JAKMIP1: variants seen among roughly 807,000 people sequenced by gnomAD.
JAKMIP1 encodes the protein janus kinase and microtubule interacting protein 1.
In JAKMIP1, 33 loss-of-function variants were observed where a neutral mutation model predicts 113.0. The ratio of observed to expected loss-of-function variants is 0.29; its 90% CI spans 0.22 to 0.39. JAKMIP1 has a LOEUF of 0.39. Ranked by LOEUF, JAKMIP1 falls within the 10% of genes least tolerant of loss-of-function variation. The probability of loss-of-function intolerance (pLI) is 1.00; values close to 1 mark genes in which losing one functional copy is unlikely to be tolerated. For synonymous variants in JAKMIP1, 480 were observed against 459.9 expected (o/e 1.04, Z -0.56); for missense variants, 813 against 1,080.5 (o/e 0.75, Z 3.47).
chr4:6,110,891 C>T (rs893678437), intron 2 of JAKMIP1, among the ~76,000 whole-genome samples: 5 of 151,884 alleles, frequency 3.3e-5, no homozygotes, highest in Non-Finnish European at 7.4e-5. Flanking sequence ...CTTACACCCC[C>T]AGCCAGTCAG....
chr4:6,134,787 A>G (rs1466380795), intron 1 of JAKMIP1, among the ~76,000 whole-genome samples: 1 of 152,180 alleles, frequency 6.6e-6, no homozygotes, highest in African/African-American at 2.4e-5. Flanking sequence ...CACACATGCA[A>G]ATACTGCACC....
intron 1 of JAKMIP1, among the ~76,000 whole-genome samples, chr4:6,128,624 G>A (rs540804649): frequency 6.0e-4 from 92 of 152,224 alleles, no homozygotes; most frequent in African/African-American, 2.0e-3. Context: ...GAGCAAACAC[G>A]GGAGCCACGT....
rs574317539 is a variant in JAKMIP1, at chr4:6,089,305, G to GT, written c.625-3677dup. 2.0e-3 allele frequency among the ~76,000 whole-genome samples: 302 copies of GT among 152,330 alleles called. 1 individual carries two copies. Among genetic ancestry groups the GT allele is most frequent in the Non-Finnish European group, 3.2e-3 (217 of 68,024 alleles). On this transcript the variant is annotated intron_variant, in intron 3 of 20. Coordinates refer to ENST00000409021, the MANE Select transcript of JAKMIP1 (RefSeq NM_001099433.2). The surrounding 1 kb of genome is among the most constrained non-coding windows in gnomAD (Gnocchi z 5.3). Reference sequence around the variant, plus strand: ...CAACAGACACCCATGGCCTAAGCTGGTTTGATGGAATTTCTGTCACTTGCG... The same window carrying GT: ...CAACAGACACCCATGGCCTAAGCTGGTTTTGATGGAATTTCTGTCACTTGCG...
At position 6,155,843 on chromosome 4, in the gene JAKMIP1, T is replaced by C. The variant is rs4383685; in HGVS notation, c.-147-42846A>G. 0.19 allele frequency among the ~76,000 whole-genome samples: 28,564 copies of C among 152,122 alleles called. 5,338 individuals carry two copies. Among genetic ancestry groups the C allele is most frequent in the African/African-American group, 0.48 (19,875 of 41,418 alleles). ...GCTAACATGCAGCCTTCCTGGGTCC[T>C]GCCCTAGACCTCATGAATGGCACTC... On this transcript the variant is annotated intron_variant, in intron 1 of 20. Coordinates refer to ENST00000409021, the MANE Select transcript of JAKMIP1 (RefSeq NM_001099433.2). The surrounding 1 kb of genome is among the most constrained non-coding windows in gnomAD (Gnocchi z 6.1).
rs999890202 is a variant in JAKMIP1 at position 6,081,958 on chromosome 4, G to A, written c.955-203C>T. 6.6e-6 allele frequency among the ~76,000 whole-genome samples: 1 copy of A among 152,188 alleles called. No homozygotes were observed. Among genetic ancestry groups the A allele is most frequent in the Non-Finnish European group, 1.5e-5 (1 of 68,034 alleles). ...CATCTATCAAATGAGAATCACGGCA[G>A]CTCCTGTCTCCTAGGCACATGGTGA... On this transcript the variant is annotated intron_variant, in intron 5 of 20. Transcript: ENST00000409021. This position sits in a 1 kb window ranked among gnomAD's most constrained non-coding sequence, Gnocchi z 4.6.
At chr4:6,124,754 C>G (rs914472148) in intron 1 of JAKMIP1, among the ~76,000 whole-genome samples, 1 of 152,262 alleles carries the variant, frequency 6.6e-6, no homozygotes, top group South Asian at 2.1e-4. Context: ...GTGCCCTTCT[C>G]TAGCTCACAG....
At chr4:6,148,191 C>T (rs775942096) in intron 1 of JAKMIP1, among the ~76,000 whole-genome samples, 25 of 152,148 alleles carry the variant, frequency 1.6e-4, no homozygotes, top group African/African-American at 5.6e-4. Flanking sequence ...CTCTCGTGTA[C>T]CCCCAAGTTG....
chr4:6,114,991 T>C (rs796681792), intron 1 of JAKMIP1, among the ~76,000 whole-genome samples: 8 of 152,352 alleles, frequency 5.3e-5, no homozygotes, highest in African/African-American at 1.9e-4. Context: ...TAGAAACACT[T>C]GGATGTTCAT....
chr4:6,058,696 C>T (rs960398945), intron 11 of JAKMIP1, among the ~76,000 whole-genome samples: 12 of 152,332 alleles, frequency 7.9e-5, no homozygotes, highest in South Asian at 2.1e-4. Flanking sequence ...AATGTGCTCT[C>T]GTGGCAGGAC....
At chr4:6,062,231 G>C (rs1374350265) in intron 10 of JAKMIP1, 81 bp downstream of exon 10, 1 of 1,480,194 alleles carries the variant, frequency 6.8e-7, no homozygotes. Context: ...GTCCAAGCCA[G>C]GGTATGTCAC....
intron 8 of JAKMIP1, among the ~76,000 whole-genome samples, chr4:6,066,167 A>C (rs1335802583): frequency 6.6e-6 from 1 of 152,186 alleles, no homozygotes; most frequent in Non-Finnish European, 1.5e-5. Context: ...CCCACAGAGA[A>C]AACCCAGGCA....
chr4:6,057,251 A>G (rs1716602783), intron 11 of JAKMIP1, among the ~76,000 whole-genome samples: 1 of 152,232 alleles, frequency 6.6e-6, no homozygotes, highest in African/African-American at 2.4e-5. Flanking sequence ...TGAGCCTGGC[A>G]CAGTGCCTGT....
chr4:6,131,987 G>A (rs1035524101), intron 1 of JAKMIP1, among the ~76,000 whole-genome samples: 71 of 152,110 alleles, frequency 4.7e-4, no homozygotes, highest in African/African-American at 1.6e-3. Context: ...AAATGACAAA[G>A]GTCAGAAACT....
At position 6,163,774 on chromosome 4, in the gene JAKMIP1, T is replaced by G. The variant is rs184412890; in HGVS notation, c.-148+36479A>C. 1.7e-3 allele frequency among the ~76,000 whole-genome samples: 259 copies of G among 152,190 alleles called. 3 individuals are homozygous for G. Among genetic ancestry groups the G allele is most frequent in the African/African-American group, 5.9e-3 (244 of 41,522 alleles). ...GGTGAACACACAAATAATAAGAAAGTGAAATAGCCCTATTGCTGATATGGA... is the reference window on the plus strand; with the variant it reads ...GGTGAACACACAAATAATAAGAAAGGGAAATAGCCCTATTGCTGATATGGA... On this transcript the variant is annotated intron_variant, in intron 1 of 20. Transcript: ENST00000409021.
Position 6,067,748 on chromosome 4 carries a change from A to G in JAKMIP1, c.1303-2740T>C, listed in dbSNP as rs997696026. Among the ~76,000 whole-genome samples the G allele has an allele frequency of 2.1e-5, 3 of 141,218 alleles. No individual in the cohort carries two copies. Among genetic ancestry groups the G allele is most frequent in the African/African-American group, 5.5e-5 (2 of 36,620 alleles). The allele number at this position is 141,218 out of a possible 152,430, so 92.6% of individuals were successfully genotyped here. On this transcript the variant is annotated intron_variant, in intron 8 of 20. Coordinates refer to ENST00000409021, the MANE Select transcript of JAKMIP1 (RefSeq NM_001099433.2). The surrounding 1 kb of genome is among the most constrained non-coding windows in gnomAD (Gnocchi z 4.6). The stretch of plus-strand genomic sequence containing the variant: ...CACGTTCACTCAAGCTCTTCTGCAC[A>G]CGCAGGTCACCCCCCTGAGCTCCAC...
intron 11 of JAKMIP1, among the ~76,000 whole-genome samples, chr4:6,057,066 A>G (rs1234102726): frequency 6.6e-6 from 1 of 152,186 alleles, no homozygotes; most frequent in African/African-American, 2.4e-5. Context: ...CCCTCCACGC[A>G]TGCGGAAGGC....
intron 7 of JAKMIP1, among the ~76,000 whole-genome samples, chr4:6,079,779 C>G (rs1386582467): frequency 2.6e-5 from 4 of 152,208 alleles, no homozygotes; most frequent in Non-Finnish European, 5.9e-5. Context: ...AACTCACAGT[C>G]TGCAACTGCT....
At position 6,037,282 on chromosome 4, in the gene JAKMIP1, A is replaced by C. The variant is rs28411080; in HGVS notation, c.2176-1175T>G. 4.6e-3 allele frequency among the ~76,000 whole-genome samples: 555 copies of C among 121,050 alleles called. 4 individuals carry two copies. The highest frequency in any genetic ancestry group is 0.022 in the African/African-American group (419 of 18,844). The allele number at this position is 121,050 out of a possible 152,430, so 79.4% of individuals were successfully genotyped here. A position where few individuals can be genotyped will look rare whatever the true frequency, so the allele number is the denominator to read the frequency against. ...CCATCACTGAGTCAGAGGTTAACCC[A>C]GTAGCCCTCCAACACCAAGGCAGAG... On this transcript the variant is annotated intron_variant, in intron 18 of 20. Transcript: ENST00000409021.
At chr4:6,196,716 C>G (rs937424845) in intron 1 of JAKMIP1, among the ~76,000 whole-genome samples, 2 of 152,140 alleles carry the variant, frequency 1.3e-5, no homozygotes, top group Non-Finnish European at 2.9e-5. Context: ...AAAAAATTAG[C>G]CAGGCATGGT....
Sources: allele counts gnomAD v4.1 joint callset (sites outside exome capture counted in the v4.1 genomes callset), GRCh38; gene constraint gnomAD v4.1.1; non-coding constraint Gnocchi (gnomAD v3.1); transcripts MANE v1.5; gene names NCBI Gene and HGNC (gene_info 2026-07-23, HGNC 2026-07-21).